The following NUBPL variants were observed in gnomAD, a reference collection of about 807,000 sequenced individuals.
The protein encoded by NUBPL is iron-sulfur cluster transfer protein NUBPL.
A neutral mutation model predicts 45.7 loss-of-function variants in NUBPL; 31 were observed. That is an observed-to-expected ratio of 0.68 (90% CI 0.51 to 0.92). NUBPL has a LOEUF of 0.92. Among genes scored for constraint, NUBPL ranks in the 40% least tolerant of loss-of-function variants. The pLI, the probability that NUBPL is intolerant of heterozygous loss-of-function variation, is 0.00. For synonymous variants in NUBPL, 144 were observed against 140.9 expected (o/e 1.02, Z -0.15); for missense variants, 401 against 398.7 (o/e 1.01, Z -0.05).
chr14:31,564,986 A>T, intron 2 of NUBPL, 28 bp from the exon 3 acceptor site: 1 of 1,391,430 alleles, frequency 7.2e-7, no homozygotes, highest in South Asian at 1.3e-5. Flanking sequence ...AAGTTACTAA[A>T]TTCAATTACT....
chr14:31,734,126 T>C (rs2038112934), intron 6 of NUBPL, among the ~76,000 whole-genome samples: 1 of 152,248 alleles, frequency 6.6e-6, no homozygotes, highest in African/African-American at 2.4e-5. Context: ...ATTATTTTTA[T>C]ATTTTGCTAA....
At chr14:31,811,283 A>G (rs1053105318) in intron 7 of NUBPL, among the ~76,000 whole-genome samples, 4 of 152,142 alleles carry the variant, frequency 2.6e-5, no homozygotes, top group Non-Finnish European at 4.4e-5. Flanking sequence ...GTCTGTTCAC[A>G]TAGTCTCATA....
At chr14:31,714,290 GCC>G (rs2037639174) in intron 6 of NUBPL, among the ~76,000 whole-genome samples, 1 of 152,144 alleles carries the variant, frequency 6.6e-6, no homozygotes, top group African/African-American at 2.4e-5. Flanking sequence ...AAAGACCAAA[GCC>G]TTGGCCTTTG....
chr14:31,843,670 T>A (rs2040410505), intron 8 of NUBPL: 1 of 152,210 alleles, frequency 6.6e-6, no homozygotes, highest in South Asian at 2.1e-4. Context: ...TTCAGTTCCT[T>A]GAAGGGAGAC....
intron 3 of NUBPL, among the ~76,000 whole-genome samples, chr14:31,574,582 C>CTTTT (rs71115022): frequency 3.0e-4 from 20 of 66,938 alleles, no homozygotes; most frequent in East Asian, 1.4e-3. Context: ...TTCTTTCCTT[C>CTTTT]TTTTTTTTTT....
chr14:31,706,619 T>G (rs1370776562), intron 6 of NUBPL, among the ~76,000 whole-genome samples: 1 of 152,194 alleles, frequency 6.6e-6, no homozygotes, highest in African/African-American at 2.4e-5. Context: ...AACAACACTC[T>G]TCCCCTAAGA....
chr14:31,813,960 G>A (rs762514237), intron 7 of NUBPL, among the ~76,000 whole-genome samples: 6 of 152,160 alleles, frequency 3.9e-5, no homozygotes, highest in Non-Finnish European at 7.3e-5. Context: ...TTGGTTCCAA[G>A]CCTTTGCTAT....
chr14:31,826,478 C>T (rs933776752), intron 7 of NUBPL, 151 bp from the exon 8 acceptor site: 3 of 734,452 alleles, frequency 4.1e-6, no homozygotes, highest in Non-Finnish European at 7.1e-6. Context: ...TCGACATTTT[C>T]TTGTCTTTCT....
chr14:31,808,939 G>T (rs1224323962), intron 7 of NUBPL, among the ~76,000 whole-genome samples: 3 of 152,094 alleles, frequency 2.0e-5, no homozygotes, highest in Non-Finnish European at 4.4e-5. Context: ...GCATATGTTG[G>T]ACCAGCCTTG....
chr14:31,743,486 T>C (rs2038329414), intron 6 of NUBPL, among the ~76,000 whole-genome samples: 1 of 152,068 alleles, frequency 6.6e-6, no homozygotes, highest in Admixed American at 6.6e-5. Context: ...TTCAAGCAAT[T>C]CTCTTGCCTC....
At chr14:31,806,321 G>C (rs1395749615) in intron 7 of NUBPL, among the ~76,000 whole-genome samples, 1 of 152,084 alleles carries the variant, frequency 6.6e-6, no homozygotes, top group Non-Finnish European at 1.5e-5. Context: ...TTTAGAGAAA[G>C]AATATGTATA....
At chr14:31,734,149 ATTATT>A (rs1276723410) in intron 6 of NUBPL, among the ~76,000 whole-genome samples, 1 of 152,102 alleles carries the variant, frequency 6.6e-6, no homozygotes, top group Non-Finnish European at 1.5e-5. Flanking sequence ...TCATTTTTCT[ATTATT>A]TTAAGGATTT....
intron 2 of NUBPL, 78 bp from the exon 3 acceptor site, chr14:31,564,936 A>C: frequency 1.3e-6 from 1 of 762,104 alleles, no homozygotes; most frequent in Non-Finnish European, 2.2e-6. Flanking sequence ...TAAAAATTAC[A>C]TGAAAATATT....
chr14:31,812,836 A>AAGAC lies in NUBPL; in HGVS notation c.608-13773_608-13770dup, dbSNP rs375802076. Among the ~76,000 whole-genome samples the AAGAC allele has an allele frequency of 2.4e-3, 370 of 152,256 alleles. 1 individual carries two copies. Among genetic ancestry groups the AAGAC allele is most frequent in the African/African-American group, 6.9e-3 (288 of 41,550 alleles). On this transcript the variant is annotated intron_variant, in intron 7 of 10. Coordinates refer to ENST00000281081, the MANE Select transcript of NUBPL (RefSeq NM_025152.3). ...GCAGGGAGGAGAGAGAAGGAGAATG[A>AAGAC]AGACAGACAGACAGACAGACAGAGA...
intron 6 of NUBPL, among the ~76,000 whole-genome samples, chr14:31,754,958 T>TC (rs1055597040): frequency 6.7e-6 from 1 of 148,946 alleles, no homozygotes; most frequent in African/African-American, 2.5e-5. Context: ...GTTCGGTTTT[T>TC]TGTCCTTGCG....
intron 6 of NUBPL, among the ~76,000 whole-genome samples, chr14:31,757,846 T>C (rs1595589746): frequency 6.6e-6 from 1 of 152,160 alleles, no homozygotes; most frequent in Admixed American, 6.5e-5. Context: ...TGACCTCTAC[T>C]TACCTCATCT....
intron 6 of NUBPL, among the ~76,000 whole-genome samples, chr14:31,707,255 C>G (rs150129825): frequency 0.047 from 7,221 of 152,320 alleles, 217 homozygotes; most frequent in Admixed American, 0.066. Context: ...GGGCTATGCC[C>G]TTGTTTACAC....
At chr14:31,802,285 CT>C (rs11319950) in intron 7 of NUBPL, among the ~76,000 whole-genome samples, 138,853 of 148,496 alleles carry the variant, frequency 0.94, 65,408 homozygotes, top group East Asian at 1. Context: ...TCTTCTTCTT[CT>C]TTTTTTTTTT....
chr14:31,615,166 A>G (rs1368942317), intron 4 of NUBPL, among the ~76,000 whole-genome samples: 2 of 152,080 alleles, frequency 1.3e-5, no homozygotes, highest in Non-Finnish European at 2.9e-5. Flanking sequence ...GGGTTTTAAA[A>G]GTATGGCACT....
Sources: gnomAD v4.1 joint callset for allele counts (sites outside exome capture counted in the v4.1 genomes callset) on GRCh38, gnomAD v4.1.1 for gene constraint, MANE v1.5 for transcripts, NCBI Gene and HGNC (gene_info 2026-07-23, HGNC 2026-07-21) for gene names.